RNF25: variants seen among roughly 807,000 people sequenced by gnomAD.
The protein encoded by RNF25 is ring finger protein 25.
Under a neutral mutation model 65.0 loss-of-function variants are expected in RNF25, and 32 were observed. The ratio of observed to expected loss-of-function variants is 0.49; its 90% CI spans 0.37 to 0.66. The LOEUF is 0.66. RNF25 is among the 30% of genes least tolerant of loss of function. The pLI is 0.00. For missense variants in RNF25, 493 were observed against 584.8 expected (o/e 0.84, Z 1.62); for synonymous variants, 207 against 221.2 (o/e 0.94, Z 0.57).
In RNF25 at chr2:218,665,369, G is replaced by A. The variant is rs1460175008; in HGVS notation, c.574-122C>T. ...AGGGCACAGGGACACCGGTTCAGCAGTGAGTTGGGACAGAGCACGGGTTGT... is the reference window on the plus strand; with the variant it reads ...AGGGCACAGGGACACCGGTTCAGCAATGAGTTGGGACAGAGCACGGGTTGT... On this transcript the variant is annotated intron_variant, in intron 7 of 9. Coordinates refer to ENST00000295704, the MANE Select transcript of RNF25 (RefSeq NM_022453.3). The A allele has an allele frequency of 1.0e-5, 8 of 789,150 alleles. No individual in the cohort carries two copies. In the East Asian group the frequency reaches 1.8e-4, roughly 18 times the overall value. 48.9% of individuals were successfully genotyped at this position (789,150 alleles called of 1,614,324 possible). A position where few individuals can be genotyped will look rare whatever the true frequency, so the allele number is the denominator to read the frequency against.
chr2:218,671,988 G>A lies in RNF25; in HGVS notation c.-18C>T, dbSNP rs1427127943. On this transcript the variant is annotated 5_prime_UTR_variant, in exon 1 of 10. Coordinates refer to ENST00000295704, the MANE Select transcript of RNF25 (RefSeq NM_022453.3). ...GCCGCCATATCTTCACCGGCCCGCA[G>A]CCGGAACCGGAAATGCCCTTAGGGA... is the stretch of plus-strand genomic sequence containing the variant. The A allele has an allele frequency of 3.1e-6, 5 of 1,614,112 alleles. No individual in the cohort carries two copies. Among genetic ancestry groups the A allele is most frequent in the Non-Finnish European group, 4.2e-6 (5 of 1,180,048 alleles).
At chr2:218,666,254 A>T in intron 5 of RNF25, 24 bp from the exon 6 acceptor site, 1 of 1,595,640 alleles carries the variant, frequency 6.3e-7, no homozygotes, top group East Asian at 2.2e-5. Context: ...ACACTGATTA[A>T]ACGGGGGTAG....
intron 3 of RNF25, 39 bp downstream of exon 3, chr2:218,668,200 C>T (rs1939878791): frequency 1.1e-5 from 17 of 1,611,690 alleles, no homozygotes; most frequent in Non-Finnish European, 1.4e-5. Context: ...CAGGGACTCT[C>T]CCCTTCCTCC....
At chr2:218,666,660 A>G (rs13023453) in intron 5 of RNF25, among the ~76,000 whole-genome samples, 17,681 of 152,208 alleles carry the variant, frequency 0.12, 2,001 homozygotes, top group African/African-American at 0.3. Flanking sequence ...GGACAACCCA[A>G]ATGGACAGAG....
At chr2:218,669,055 G>C (rs987180700) in intron 1 of RNF25, among the ~76,000 whole-genome samples, 2 of 152,092 alleles carry the variant, frequency 1.3e-5, no homozygotes, top group African/African-American at 4.8e-5. Context: ...TAGCATTAAC[G>C]TTACCAATAT....
intron 1 of RNF25, among the ~76,000 whole-genome samples, chr2:218,671,480 T>C (rs754070166): frequency 2.6e-5 from 4 of 152,118 alleles, no homozygotes; most frequent in Non-Finnish European, 5.9e-5. Flanking sequence ...TAGTCCTCAC[T>C]AGTGCTGTGT....
chr2:218,671,150 G>A (rs1281743755), intron 1 of RNF25, among the ~76,000 whole-genome samples: 1 of 152,192 alleles, frequency 6.6e-6, no homozygotes, highest in Non-Finnish European at 1.5e-5. Context: ...CTCCAGCGTG[G>A]GCGAGAGTGA....
At chr2:218,670,867 C>A (rs2106338470) in intron 1 of RNF25, among the ~76,000 whole-genome samples, 2 of 151,998 alleles carry the variant, frequency 1.3e-5, no homozygotes, top group Middle Eastern at 6.8e-3. Context: ...CAGGTGCCTG[C>A]ACCTCAGTTA....
chr2:218,664,675 G>A lies in RNF25; in HGVS notation c.801+64C>T. ...AGAACAAAGCTCACTCTGGGGCCATGGCTGATTGGGGTTTGTAGAAAGGTT... is the reference window on the plus strand; with the variant it reads ...AGAACAAAGCTCACTCTGGGGCCATAGCTGATTGGGGTTTGTAGAAAGGTT... On this transcript the variant is annotated intron_variant, in intron 9 of 9. Transcript: ENST00000295704. The surrounding 1 kb of genome is among the most constrained non-coding windows in gnomAD (Gnocchi z 5.1). 1 of 1,607,290 alleles carries A rather than the reference G, an allele frequency of 6.2e-7. No individual in the cohort carries two copies. The highest frequency in any genetic ancestry group is 8.5e-7 in the Non-Finnish European group (1 of 1,175,554).
intron 5 of RNF25, among the ~76,000 whole-genome samples, chr2:218,666,656 C>A (rs889634588): frequency 1.3e-5 from 2 of 152,190 alleles, no homozygotes; most frequent in Non-Finnish European, 2.9e-5. Flanking sequence ...GCATGGACAA[C>A]CCAAATGGAC....
intron 3 of RNF25, 37 bp downstream of exon 3, chr2:218,668,202 C>T: frequency 6.2e-7 from 1 of 1,611,582 alleles, no homozygotes; most frequent in Non-Finnish European, 8.5e-7. Flanking sequence ...GGGACTCTCC[C>T]CTTCCTCCCT....
intron 1 of RNF25, 141 bp from the exon 2 acceptor site, chr2:218,668,820 A>G (rs1939892234): frequency 1.5e-6 from 1 of 654,928 alleles, no homozygotes; most frequent in East Asian, 2.6e-5. Context: ...AACAAGGAAT[A>G]TGTTACCTTA....
Position 218,666,232 on chromosome 2 carries a change from TGAG to T in RNF25, c.358-5_358-3del, listed in dbSNP as rs1559322580. 1 of 1,612,368 alleles carries T rather than the reference TGAG, an allele frequency of 6.2e-7. No homozygotes were observed. The highest frequency in any genetic ancestry group is 1.7e-5 in the Admixed American group (1 of 59,928). On this transcript the variant is annotated splice_region_variant and splice_polypyrimidine_tract_variant and intron_variant, in intron 5 of 9. Transcript: ENST00000295704. Reference sequence around the variant, plus strand: ...ATCTGTGAGAATTTCCTTCCCTTTCTGAGGAGAGAAGACACTGATTAAACGGGG... The same window carrying T: ...ATCTGTGAGAATTTCCTTCCCTTTCTGAGAGAAGACACTGATTAAACGGGG...
rs1306083294 is a variant in RNF25, at chr2:218,667,997, A to G, written c.288-16T>C. 1.2e-6 allele frequency: 2 copies of G among 1,614,132 alleles called. No homozygotes were observed. Among genetic ancestry groups the G allele is most frequent in the Admixed American group, 1.7e-5 (1 of 60,026 alleles). On this transcript the variant is annotated splice_polypyrimidine_tract_variant and intron_variant, in intron 4 of 9. Coordinates refer to ENST00000295704, the MANE Select transcript of RNF25 (RefSeq NM_022453.3). Reference sequence around the variant, plus strand: ...CTGTAAGATCCTGGAGGAAGAGGGCAAACCAAATATTAGACCTGCCCATTT... The same window carrying G: ...CTGTAAGATCCTGGAGGAAGAGGGCGAACCAAATATTAGACCTGCCCATTT...
At chr2:218,669,177 C>G (rs1045601672) in intron 1 of RNF25, among the ~76,000 whole-genome samples, 3 of 152,200 alleles carry the variant, frequency 2.0e-5, no homozygotes, top group African/African-American at 7.2e-5. Context: ...GAGATAGCAA[C>G]CTCAACACAA....
rs367684751 is a variant in RNF25 at position 218,666,115 on chromosome 2, T to C, written c.429+44A>G. 3.1e-6 allele frequency: 5 copies of C among 1,612,242 alleles called. No homozygotes were observed. In the African/African-American group the frequency reaches 6.7e-5, roughly 22 times the overall value. On this transcript the variant is annotated intron_variant, in intron 6 of 9. Coordinates refer to ENST00000295704, the MANE Select transcript of RNF25 (RefSeq NM_022453.3). The stretch of plus-strand genomic sequence containing the variant: ...TCAGAGCTCTCTCACAGCCCTCATC[T>C]GCTGGTCCCAAACAGAATGCCAGGT...
intron 1 of RNF25, 94 bp from the exon 2 acceptor site, chr2:218,668,773 A>T: frequency 3.6e-6 from 3 of 839,594 alleles, no homozygotes; most frequent in Non-Finnish European, 6.1e-6. Flanking sequence ...AAAAATGGCA[A>T]TCTACCAGAA....
In RNF25 at chr2:218,668,695, T is replaced by A; in HGVS notation, c.42-16A>T. On this transcript the variant is annotated splice_polypyrimidine_tract_variant and intron_variant, in intron 1 of 9. Transcript: ENST00000295704. Reference sequence around the variant, plus strand: ...GGGAAGGACCCTAGAGAGACAGGAGTAGACTAACTTACCATTACAGCTCTC... The same window carrying A: ...GGGAAGGACCCTAGAGAGACAGGAGAAGACTAACTTACCATTACAGCTCTC... 6.4e-7 allele frequency: 1 copy of A among 1,555,802 alleles called. No homozygotes were observed.
In RNF25 at chr2:218,664,095, A is replaced by C. The variant is rs1328756596; in HGVS notation, c.1242T>G (p.Thr414=). The change falls in exon 10 of 10, where the codon ACT becomes ACG. Residue 414 remains threonine, a synonymous_variant. Transcript: ENST00000295704. This position sits in a 1 kb window ranked among gnomAD's most constrained non-coding sequence, Gnocchi z 5.1. ...GSWQGPPPRR[T]RDCVRWERSK... The stretch of plus-strand genomic sequence containing the variant: ...AGCGCTCCCAGCGAACACAGTCCCG[A>C]GTCCTGCGGGGTGGGGGCCCCTGCC... 4 of 1,522,258 alleles carry C rather than the reference A, an allele frequency of 2.6e-6. No homozygotes were observed. The highest frequency in any genetic ancestry group is 3.5e-6 in the Non-Finnish European group (4 of 1,137,794). The allele number at this position is 1,522,258 out of a possible 1,614,324, so 94.3% of individuals were successfully genotyped here. A position where few individuals can be genotyped will look rare whatever the true frequency, so the allele number is the denominator to read the frequency against.
Sources: gnomAD v4.1 joint callset for allele counts (sites outside exome capture counted in the v4.1 genomes callset) on GRCh38, gnomAD v4.1.1 for gene constraint, Gnocchi (gnomAD v3.1) non-coding constraint, MANE v1.5 for transcripts, NCBI Gene and HGNC (gene_info 2026-07-23, HGNC 2026-07-21) for gene names.